The following ADAMTSL1 variants were observed in gnomAD, a reference collection of about 807,000 sequenced individuals.
The protein encoded by ADAMTSL1 is ADAMTS like 1.
Under a neutral mutation model 201.8 loss-of-function variants are expected in ADAMTSL1, and 126 were observed. That is an observed-to-expected ratio of 0.62 (90% CI 0.54 to 0.72). ADAMTSL1 has a LOEUF of 0.72. ADAMTSL1 is among the 30% of genes least tolerant of loss of function. The probability of loss-of-function intolerance (pLI) is 0.00; values close to 1 mark genes in which losing one functional copy is unlikely to be tolerated. For synonymous variants in ADAMTSL1, 1,121 were observed against 903.4 expected (o/e 1.24, Z -4.32); for missense variants, 2,679 against 2,277.8 (o/e 1.18, Z -3.59).
intron 14 of ADAMTSL1, among the ~76,000 whole-genome samples, chr9:18,710,828 A>C (rs575143991): frequency 8.9e-4 from 135 of 152,230 alleles, no homozygotes; most frequent in Admixed American, 1.9e-3. Flanking sequence ...ACGTTAATGC[A>C]TACAAAGCAA....
Position 18,777,655 on chromosome 9 carries a change from C to G in ADAMTSL1, c.3426C>G (p.Ser1142Arg). ...LSPHKHVSGF[S>R]SSLRTSSTGD... ...CTCATAAACACGTGTCTGGCTTCAG[C>G]AGCTCCCTGCGGACCTCCTCCACCG... The change falls in exon 19 of 29, where the codon AGC becomes AGG. Residue 1142 changes from serine (S) to arginine (R), a missense_variant. By Grantham distance (110) the Ser-to-Arg change is moderately radical. Transcript: ENST00000380548. 6.2e-7 allele frequency: 1 copy of G among 1,613,616 alleles called. No homozygotes were observed. The highest frequency in any genetic ancestry group is 8.5e-7 in the Non-Finnish European group (1 of 1,179,834).
intron 2 of ADAMTSL1, among the ~76,000 whole-genome samples, chr9:18,449,452 T>A (rs1298678785): frequency 1.3e-5 from 2 of 152,078 alleles, no homozygotes; most frequent in African/African-American, 2.4e-5. Flanking sequence ...ATTAATTATA[T>A]CTGTTGGTTT....
chr9:18,635,062 GA>G (rs1827024970), intron 5 of ADAMTSL1, among the ~76,000 whole-genome samples: 1 of 151,614 alleles, frequency 6.6e-6, no homozygotes, highest in Non-Finnish European at 1.5e-5. Context: ...GTACTTCCCA[GA>G]AATTTCATTT....
At chr9:18,907,003 C>T in intron 28 of ADAMTSL1, 91 bp downstream of exon 28, 1 of 1,444,900 alleles carries the variant, frequency 6.9e-7, no homozygotes. Context: ...GAGCATAGGG[C>T]ATGGGGTCAG....
chr9:18,513,273 T>G (rs1446440692), intron 2 of ADAMTSL1, among the ~76,000 whole-genome samples: 1 of 151,898 alleles, frequency 6.6e-6, no homozygotes, highest in Admixed American at 6.6e-5. Context: ...CTTGCATCAC[T>G]GAAACTAGAC....
At chr9:18,284,273 T>A (rs1832912250) in intron 2 of ADAMTSL1, among the ~76,000 whole-genome samples, 2 of 152,090 alleles carry the variant, frequency 1.3e-5, no homozygotes, top group African/African-American at 4.8e-5. Flanking sequence ...ATTTTTTAGA[T>A]AAAAAATAGA....
At chr9:18,042,336 T>C (rs1030677613) in intron 1 of ADAMTSL1, among the ~76,000 whole-genome samples, 7 of 152,160 alleles carry the variant, frequency 4.6e-5, no homozygotes, top group African/African-American at 1.7e-4. Context: ...TCAATGAATT[T>C]ATGCCTAAGA....
chr9:18,722,905 C>G, intron 15 of ADAMTSL1: 1 of 710,210 alleles, frequency 1.4e-6, no homozygotes, highest in Non-Finnish European at 2.6e-6. Flanking sequence ...ATCCCTGCCC[C>G]ACCTGGTTCC....
chr9:17,972,829 T>A (rs2131433099), intron 1 of ADAMTSL1, among the ~76,000 whole-genome samples: 1 of 141,526 alleles, frequency 7.1e-6, no homozygotes, highest in East Asian at 2.1e-4. Context: ...GCACCTGTTG[T>A]TTCCTGACTT....
At chr9:18,551,285 A>G (rs543707624) in intron 3 of ADAMTSL1, among the ~76,000 whole-genome samples, 1 of 151,886 alleles carries the variant, frequency 6.6e-6, no homozygotes, top group Admixed American at 6.6e-5. Context: ...TGCTCATAAT[A>G]TATTATATTG....
intron 23 of ADAMTSL1, among the ~76,000 whole-genome samples, chr9:18,865,975 T>C (rs567187486): frequency 1.3e-5 from 2 of 152,162 alleles, no homozygotes; most frequent in East Asian, 3.9e-4. Context: ...CCTTAAATAC[T>C]GTGAACTTCT....
chr9:18,813,130 C>A (rs1042745834), intron 20 of ADAMTSL1, among the ~76,000 whole-genome samples: 1 of 152,092 alleles, frequency 6.6e-6, no homozygotes, highest in South Asian at 2.1e-4. Context: ...CCACGCCCAG[C>A]TAATTTTTGT....
intron 23 of ADAMTSL1, among the ~76,000 whole-genome samples, chr9:18,875,646 TG>T (rs1462124223): frequency 6.6e-6 from 1 of 152,198 alleles, no homozygotes; most frequent in African/African-American, 2.4e-5. Flanking sequence ...TTAAATTTAC[TG>T]AGACTTGTTT....
intron 5 of ADAMTSL1, among the ~76,000 whole-genome samples, chr9:18,624,681 T>C (rs751935153): frequency 6.6e-6 from 1 of 152,148 alleles, no homozygotes; most frequent in Non-Finnish European, 1.5e-5. Flanking sequence ...CCTCTTACCC[T>C]ACTGTTAGGG....
intron 4 of ADAMTSL1, among the ~76,000 whole-genome samples, chr9:18,592,997 T>A (rs1431477463): frequency 1.3e-5 from 2 of 152,196 alleles, no homozygotes; most frequent in African/African-American, 4.8e-5. Context: ...GAGATTACTT[T>A]CTTGATATCT....
intron 5 of ADAMTSL1, among the ~76,000 whole-genome samples, chr9:18,623,524 C>T (rs928912352): frequency 1.3e-5 from 2 of 152,080 alleles, no homozygotes; most frequent in African/African-American, 4.8e-5. Context: ...GGGACATTTG[C>T]AAAGCAGATA....
intron 1 of ADAMTSL1, among the ~76,000 whole-genome samples, chr9:18,484,430 T>C (rs1229095422): frequency 3.3e-5 from 5 of 152,196 alleles, no homozygotes; most frequent in Admixed American, 3.3e-4. Context: ...TCTCTAAAGA[T>C]TTATATTTAA....
chr9:18,217,496 T>C (rs993843459), intron 2 of ADAMTSL1, among the ~76,000 whole-genome samples: 9 of 152,168 alleles, frequency 5.9e-5, no homozygotes, highest in Admixed American at 4.6e-4. Flanking sequence ...TCCTGCTTTT[T>C]GGAATCAGTG....
At chr9:18,478,003 G>A (rs983003441) in intron 1 of ADAMTSL1, among the ~76,000 whole-genome samples, 2 of 152,128 alleles carry the variant, frequency 1.3e-5, no homozygotes, top group African/African-American at 4.8e-5. Flanking sequence ...CAAAGAGAAT[G>A]AATAAATAAA....
Sources: gnomAD v4.1 joint callset for allele counts (sites outside exome capture counted in the v4.1 genomes callset) on GRCh38, gnomAD v4.1.1 for gene constraint, MANE v1.5 for transcripts, NCBI Gene and HGNC (gene_info 2026-07-23, HGNC 2026-07-21) for gene names.